Variants in ARID1A observed in about 807,000 individuals in gnomAD.
The protein encoded by ARID1A is AT-rich interaction domain 1A.
A neutral mutation model predicts 212.6 loss-of-function variants in ARID1A; 20 were observed. The observed-to-expected ratio is 0.09, with a 90% CI of 0.07 to 0.14. ARID1A has a LOEUF of 0.14. Ranked by LOEUF, ARID1A falls within the 10% of genes least tolerant of loss-of-function variation. The pLI, the probability that ARID1A is intolerant of heterozygous loss-of-function variation, is 1.00. For missense variants in ARID1A, 2,587 were observed against 3,059.0 expected, an observed-to-expected ratio of 0.85 and a Z score of 3.64; for synonymous variants, 1,376 against 1,222.1, an observed-to-expected ratio of 1.13 and a Z score of -2.63.
intron 1 of ARID1A, among the ~76,000 whole-genome samples, chr1:26,708,917 G>A (rs543444400): frequency 2.6e-4 from 40 of 151,636 alleles, no homozygotes; most frequent in African/African-American, 9.0e-4. Context: ...GGATGGTCTC[G>A]GTCTGCTGAT....
chr1:26,727,296 A>G (rs532500153), intron 1 of ARID1A, among the ~76,000 whole-genome samples: 36 of 152,322 alleles, frequency 2.4e-4, no homozygotes, highest in African/African-American at 8.7e-4. Flanking sequence ...GGAAGTTTGG[A>G]ACTATTATTG....
chr1:26,698,762 C>A (rs1004521879), intron 1 of ARID1A, among the ~76,000 whole-genome samples: 21 of 152,140 alleles, frequency 1.4e-4, no homozygotes, highest in African/African-American at 4.6e-4. Context: ...GGTTGCTTTG[C>A]AGAATTGAAA....
intron 4 of ARID1A, among the ~76,000 whole-genome samples, chr1:26,741,454 A>G (rs753339234): frequency 2.6e-5 from 4 of 152,274 alleles, no homozygotes; most frequent in South Asian, 2.1e-4. Flanking sequence ...AATCAGTCCA[A>G]TTCCTCCGCT....
chr1:26,773,861 C>A lies in ARID1A; in HGVS notation c.4064C>A (p.Pro1355His), dbSNP rs1030686989. ...GGCACCCCTTCTGGCAGCCCCTTCC[C>A]CAGCCAGCAGACTACAATGTATCAA... ...TQGTPSGSPF[P>H]SQQTTMYQQQ... Residue 1355 changes from proline (P) to histidine (H), a missense_variant, in exon 17 of 20, where the codon CCC becomes CAC. Physicochemically the swap from Pro to His is moderately conservative, Grantham distance 77 (BLOSUM62 -2). This residue lies in a region of ARID1A where 890 missense variants were observed against 1,098.2 expected (regional missense o/e 0.81). Coordinates refer to ENST00000324856, the MANE Select transcript of ARID1A (RefSeq NM_006015.6). 10 of 1,614,096 alleles carry A rather than the reference C, an allele frequency of 6.2e-6. No homozygotes were observed. The African/African-American group carries it at 1.3e-4, about 22-fold the overall frequency.
At chr1:26,717,204 C>G (rs569876461) in intron 1 of ARID1A, among the ~76,000 whole-genome samples, 1 of 152,284 alleles carries the variant, frequency 6.6e-6, no homozygotes, top group South Asian at 2.1e-4. Flanking sequence ...CTTTTGGTGT[C>G]TGACTTGTGT....
chr1:26,737,972 G>T (rs978096560), intron 4 of ARID1A, among the ~76,000 whole-genome samples: 5 of 151,994 alleles, frequency 3.3e-5, no homozygotes, highest in African/African-American at 1.2e-4. Context: ...GGTGAATCCC[G>T]ATTTGCAGGT....
rs2124099124 is a variant in ARID1A at position 26,771,368 on chromosome 1, T to C, written c.3406+42T>C. On this transcript the variant is annotated intron_variant, in intron 12 of 19. Transcript: ENST00000324856. This position sits in a 1 kb window ranked among gnomAD's most constrained non-coding sequence, Gnocchi z 5.4. ...CGGCCCCACCAAGGCTGAGAGGGCC[T>C]GTTGCCCTGGCCTCTTATTCAGGAT... is the stretch of plus-strand genomic sequence containing the variant. 6.3e-7 allele frequency: 1 copy of C among 1,580,826 alleles called. No homozygotes were observed.
At chr1:26,737,745 A>G (rs1377553991) in intron 4 of ARID1A, among the ~76,000 whole-genome samples, 3 of 151,916 alleles carry the variant, frequency 2.0e-5, no homozygotes, top group African/African-American at 7.3e-5. Context: ...CACGCCTGTA[A>G]TCCCAGCTAC....
At chr1:26,744,519 TC>T in intron 4 of ARID1A, among the ~76,000 whole-genome samples, 1 of 152,338 alleles carries the variant, frequency 6.6e-6, no homozygotes, top group Non-Finnish European at 1.5e-5. Flanking sequence ...ACCTTGTTTT[TC>T]AGTTTGTCGT....
At chr1:26,761,267 G>A (rs2080989627) in intron 5 of ARID1A, 117 bp from the exon 6 acceptor site, 3 of 1,452,750 alleles carry the variant, frequency 2.1e-6, no homozygotes, top group African/African-American at 1.4e-5. Flanking sequence ...CTCTTTGTGT[G>A]TGATACTGGG....
chr1:26,699,035 C>T (rs1008755062), intron 1 of ARID1A, among the ~76,000 whole-genome samples: 6 of 152,086 alleles, frequency 3.9e-5, no homozygotes, highest in Non-Finnish European at 7.4e-5. Flanking sequence ...GGGACTTTCT[C>T]CTAAAGGCTT....
Position 26,696,667 on chromosome 1 carries a change from C to T in ARID1A, c.264C>T (p.Ala88=), listed in dbSNP as rs765913797. ...ESNGGGGGGG[A]GSGGGPGAEP... is the part of the protein sequence containing the mutation. Reference sequence around the variant, plus strand: ...ATGGGGGTGGCGGCGGCGGCGGAGCCGGCAGCGGCGGCGGGCCCGGCGCGG... The same window carrying T: ...ATGGGGGTGGCGGCGGCGGCGGAGCTGGCAGCGGCGGCGGGCCCGGCGCGG... The change falls in exon 1 of 20, where the codon GCC becomes GCT. Residue 88 remains alanine (A), a synonymous_variant. Coordinates refer to ENST00000324856, the MANE Select transcript of ARID1A (RefSeq NM_006015.6). 6.7e-5 allele frequency: 88 copies of T among 1,320,222 alleles called. No individual in the cohort carries two copies. The South Asian group carries it at 1.4e-3, about 22-fold the overall frequency. 81.8% of individuals were successfully genotyped at this position (1,320,222 alleles called of 1,614,324 possible).
chr1:26,696,523 G>A lies in ARID1A; in HGVS notation c.120G>A (p.Ala40=). The change falls in exon 1 of 20, where the codon GCG becomes GCA. Residue 40 remains alanine, a synonymous_variant. Coordinates refer to ENST00000324856, the MANE Select transcript of ARID1A (RefSeq NM_006015.6). ...QQREEAGGEA[A]AAAAAERGEM... ...GGGAGGAGGCGGGGGGCGAGGCGGCGGCGGCGGCAGCGGCCGAGCGCGGGG... is the reference window on the plus strand; with the variant it reads ...GGGAGGAGGCGGGGGGCGAGGCGGCAGCGGCGGCAGCGGCCGAGCGCGGGG... 8 of 1,226,764 alleles carry A rather than the reference G, an allele frequency of 6.5e-6. No homozygotes were observed. The highest frequency in any genetic ancestry group is 7.1e-6 in the Non-Finnish European group (7 of 986,516). 76.0% of individuals were successfully genotyped at this position (1,226,764 alleles called of 1,614,324 possible). A position where few individuals can be genotyped will look rare whatever the true frequency, so the allele number is the denominator to read the frequency against.
chr1:26,779,283 G>C lies in ARID1A; in HGVS notation c.5385G>C (p.Lys1795Asn), dbSNP rs200221564. The C allele has an allele frequency of 1.9e-5, 31 of 1,614,118 alleles. No individual in the cohort carries two copies. The highest frequency in any genetic ancestry group is 2.5e-5 in the Non-Finnish European group (29 of 1,180,052). ...DEEIAFSGKD[K>N]PASENSEEKL... ...AGATAGCCTTTTCAGGCAAGGACAAGCCAGCTTCAGAGAATAGTGAGGAGA... is the reference window on the plus strand; with the variant it reads ...AGATAGCCTTTTCAGGCAAGGACAACCCAGCTTCAGAGAATAGTGAGGAGA... The change falls in exon 20 of 20, where the codon AAG (lysine) becomes AAC (asparagine). Residue 1795 changes from lysine to asparagine, a missense_variant. By Grantham distance (94) the Lys-to-Asn change is moderately conservative. Coordinates refer to ENST00000324856, the MANE Select transcript of ARID1A (RefSeq NM_006015.6).
chr1:26,733,014 G>T (rs920589182), intron 4 of ARID1A, among the ~76,000 whole-genome samples: 7 of 152,138 alleles, frequency 4.6e-5, no homozygotes, highest in Non-Finnish European at 7.4e-5. Flanking sequence ...TTTAAGTCTT[G>T]TGCTTTTAGA....
Position 26,779,151 on chromosome 1 carries a change from C to G in ARID1A, c.5253C>G (p.Ser1751Arg), listed in dbSNP as rs1279351877. The G allele has an allele frequency of 6.3e-7, 1 of 1,593,338 alleles. No homozygotes were observed. Among genetic ancestry groups the G allele is most frequent in the South Asian group, 1.1e-5 (1 of 88,296 alleles). ...CGCTACTGGATCCTGGGAGGTTCAG[C>G]AAGGTGTCTAGTCCAGCTCCCATGG... ...QRTLLDPGRF[S>R]KVSSPAPMEG... Residue 1751 changes from serine to arginine, a missense_variant, in exon 20 of 20, where the codon AGC (serine) becomes AGG (arginine). Around this residue, in one of 11 missense-constraint regions of ARID1A, gnomAD observed 890 missense variants for 1,098.2 expected, o/e 0.81. Coordinates refer to ENST00000324856, the MANE Select transcript of ARID1A (RefSeq NM_006015.6).
At position 26,763,053 on chromosome 1, in the gene ARID1A, C is replaced by A. The variant is rs2124068379; in HGVS notation, c.2500C>A (p.Pro834Thr). 6.2e-7 allele frequency: 1 copy of A among 1,614,208 alleles called. No homozygotes were observed. Among genetic ancestry groups the A allele is most frequent in the East Asian group, 2.2e-5 (1 of 44,882 alleles). The change falls in exon 8 of 20, where the codon CCC (proline) becomes ACC (threonine). Residue 834 changes from proline (P) to threonine (T), a missense_variant. Transcript: ENST00000324856. ...TGCAGGCATGGCTGGAGGCATAAACCCCATGGGTGCCGGAGGTCAAATGCA... is the reference window on the plus strand; with the variant it reads ...TGCAGGCATGGCTGGAGGCATAAACACCATGGGTGCCGGAGGTCAAATGCA... Reference protein sequence around the residue: ...PSAGMAGGINPMGAGGQMHGQ... With the variant: ...PSAGMAGGINTMGAGGQMHGQ...
Position 26,696,668 on chromosome 1 carries a change from G to C in ARID1A, c.265G>C (p.Gly89Arg). The C allele has an allele frequency of 7.6e-7, 1 of 1,320,920 alleles. No homozygotes were observed. The highest frequency in any genetic ancestry group is 9.6e-7 in the Non-Finnish European group (1 of 1,037,424). 81.8% of individuals were successfully genotyped at this position (1,320,920 alleles called of 1,614,324 possible). A position where few individuals can be genotyped will look rare whatever the true frequency, so the allele number is the denominator to read the frequency against. Residue 89 changes from glycine to arginine, a missense_variant, in exon 1 of 20, where the codon GGC (glycine) becomes CGC (arginine). By Grantham distance (125) the Gly-to-Arg change is moderately radical (BLOSUM62 -2). Coordinates refer to ENST00000324856, the MANE Select transcript of ARID1A (RefSeq NM_006015.6). Reference protein sequence around the residue: ...SNGGGGGGGAGSGGGPGAEPD... With the variant: ...SNGGGGGGGARSGGGPGAEPD... ...TGGGGGTGGCGGCGGCGGCGGAGCC[G>C]GCAGCGGCGGCGGGCCCGGCGCGGA... is the stretch of plus-strand genomic sequence containing the variant.
At chr1:26,776,559 A>G (rs963029023) in intron 19 of ARID1A, among the ~76,000 whole-genome samples, 1 of 149,756 alleles carries the variant, frequency 6.7e-6, no homozygotes, top group South Asian at 2.1e-4. Context: ...AGGCGTGAGC[A>G]ACCGCGCCCG....
Sources: gnomAD v4.1 joint callset for allele counts (sites outside exome capture counted in the v4.1 genomes callset) on GRCh38, gnomAD v4.1.1 for gene constraint, gnomAD v4.1.1 regional missense constraint, Gnocchi (gnomAD v3.1) non-coding constraint, MANE v1.5 for transcripts, NCBI Gene and HGNC (gene_info 2026-07-23, HGNC 2026-07-21) for gene names.